Variants in CYB5R4 observed in about 807,000 individuals in gnomAD.
CYB5R4 encodes cytochrome b5 reductase 4, also known as N-terminal cytochrome b5 and cytochrome b5 oxidoreductase domain-containing protein.
A neutral mutation model predicts 70.2 loss-of-function variants in CYB5R4; 55 were observed. The observed-to-expected ratio is 0.78, with a 90% confidence interval of 0.63 to 0.98. CYB5R4 has a LOEUF of 0.98. Among genes scored for constraint, CYB5R4 ranks in the 50% least tolerant of loss-of-function variants. The probability of loss-of-function intolerance (pLI) is 0.00; values close to 1 mark genes in which losing one functional copy is unlikely to be tolerated. For synonymous variants in CYB5R4, 197 were observed against 199.5 expected (o/e 0.99, Z 0.11); for missense variants, 562 against 612.6 (o/e 0.92, Z 0.87).
chr6:83,921,192 T>C lies in CYB5R4; in HGVS notation c.658+17T>C. On this transcript the variant is annotated intron_variant, in intron 8 of 15. Transcript: ENST00000369681. The stretch of plus-strand genomic sequence containing the variant: ...TACATATTGGTGAGTACTTTATTAT[T>C]ATTAATGGAAAGAGCTCTGGTTTTC... The C allele has an allele frequency of 2.0e-6, 3 of 1,463,420 alleles. No individual in the cohort carries two copies. The highest frequency in any genetic ancestry group is 2.8e-6 in the Non-Finnish European group (3 of 1,086,230). The allele number at this position is 1,463,420 out of a possible 1,614,324, so 90.7% of individuals were successfully genotyped here.
chr6:83,950,378 C>A (rs2099471335), intron 14 of CYB5R4, among the ~76,000 whole-genome samples: 1 of 152,082 alleles, frequency 6.6e-6, no homozygotes. Flanking sequence ...AAACTGAAAT[C>A]CAAACTAAAT....
At chr6:83,913,762 T>A (rs916041873) in intron 4 of CYB5R4, among the ~76,000 whole-genome samples, 11 of 152,136 alleles carry the variant, frequency 7.2e-5, no homozygotes, top group African/African-American at 2.2e-4. Context: ...CATTTTTTTT[T>A]AAATTTTGAC....
chr6:83,879,947 G>C (rs908503245), intron 2 of CYB5R4, among the ~76,000 whole-genome samples: 1 of 152,068 alleles, frequency 6.6e-6, no homozygotes, highest in African/African-American at 2.4e-5. Flanking sequence ...TCAGAGGGGC[G>C]TGTCATCCTT....
intron 10 of CYB5R4, among the ~76,000 whole-genome samples, chr6:83,932,980 C>G (rs2099468394): frequency 6.6e-6 from 1 of 152,178 alleles, no homozygotes; most frequent in African/African-American, 2.4e-5. Flanking sequence ...TAGCATAGAA[C>G]ATACTTTGAC....
intron 15 of CYB5R4, among the ~76,000 whole-genome samples, chr6:83,957,451 T>C (rs1196766065): frequency 6.6e-6 from 1 of 151,910 alleles, no homozygotes; most frequent in African/African-American, 2.4e-5. Context: ...TGAAACCCCA[T>C]CTCTACTAAA....
At chr6:83,909,414 A>G (rs2099464325) in intron 4 of CYB5R4, among the ~76,000 whole-genome samples, 1 of 152,222 alleles carries the variant, frequency 6.6e-6, no homozygotes, top group Admixed American at 6.5e-5. Flanking sequence ...ACAAAAAGTT[A>G]TACAGTGAAA....
intron 4 of CYB5R4, among the ~76,000 whole-genome samples, chr6:83,912,562 C>A (rs1283121368): frequency 6.6e-6 from 1 of 152,180 alleles, no homozygotes; most frequent in Admixed American, 6.5e-5. Context: ...CTGACCTCTC[C>A]GGAAATAAAG....
chr6:83,860,187 C>T (rs1456333394), intron 1 of CYB5R4, among the ~76,000 whole-genome samples: 1 of 152,136 alleles, frequency 6.6e-6, no homozygotes, highest in Non-Finnish European at 1.5e-5. Flanking sequence ...GTATTAGCCG[C>T]CTTCCCTCAA....
chr6:83,952,249 C>A (rs148736291), intron 14 of CYB5R4, among the ~76,000 whole-genome samples: 307 of 152,220 alleles, frequency 2.0e-3, no homozygotes, highest in African/African-American at 7.0e-3. Flanking sequence ...TGTGCTCACT[C>A]CCTGCAAAAT....
At chr6:83,914,640 C>G (rs922515438) in intron 5 of CYB5R4, among the ~76,000 whole-genome samples, 192 bp downstream of exon 5, 2 of 152,012 alleles carry the variant, frequency 1.3e-5, no homozygotes, top group African/African-American at 4.8e-5. Context: ...CGGGTTCAAG[C>G]AATTCTCCTG....
intron 2 of CYB5R4, among the ~76,000 whole-genome samples, chr6:83,865,837 T>C (rs146637385): frequency 1.3e-5 from 2 of 152,328 alleles, no homozygotes; most frequent in African/African-American, 4.8e-5. Flanking sequence ...TAGTTTATAT[T>C]GAGACATAAC....
At chr6:83,943,793 C>T (rs555526194) in intron 14 of CYB5R4, among the ~76,000 whole-genome samples, 2 of 151,748 alleles carry the variant, frequency 1.3e-5, no homozygotes, top group African/African-American at 2.4e-5. Context: ...AAAAACAGCA[C>T]GAGAACATCA....
At chr6:83,957,622 CAAAAA>C (rs34196225) in intron 15 of CYB5R4, among the ~76,000 whole-genome samples, 1 of 66,944 alleles carries the variant, frequency 1.5e-5, no homozygotes, top group African/African-American at 4.8e-5. Context: ...AACTCTGTCT[CAAAAA>C]AAAAAAAAAA....
intron 14 of CYB5R4, among the ~76,000 whole-genome samples, chr6:83,943,413 A>G (rs2099470072): frequency 6.6e-6 from 1 of 152,050 alleles, no homozygotes; most frequent in Non-Finnish European, 1.5e-5. Context: ...AAGCAATAGC[A>G]TCAACATCAA....
intron 1 of CYB5R4, among the ~76,000 whole-genome samples, chr6:83,860,071 T>G (rs1442665939): frequency 6.6e-6 from 1 of 152,130 alleles, no homozygotes; most frequent in African/African-American, 2.4e-5. Flanking sequence ...CTCTTCTTTC[T>G]GGTCCTTTAT....
chr6:83,949,082 T>A (rs1303543065), intron 14 of CYB5R4, among the ~76,000 whole-genome samples: 1 of 151,892 alleles, frequency 6.6e-6, no homozygotes, highest in Non-Finnish European at 1.5e-5. Context: ...ATTGTGTAAT[T>A]TATGATCCCC....
At chr6:83,958,886 T>C (rs193059211) in intron 15 of CYB5R4, among the ~76,000 whole-genome samples, 6 of 152,292 alleles carry the variant, frequency 3.9e-5, no homozygotes, top group African/African-American at 1.4e-4. Flanking sequence ...AAGTGACATT[T>C]ATAATAGAGT....
intron 14 of CYB5R4, among the ~76,000 whole-genome samples, chr6:83,943,381 A>C (rs1001734140): frequency 1.1e-4 from 17 of 152,188 alleles, no homozygotes; most frequent in African/African-American, 4.8e-5. Flanking sequence ...CCTGACTGTT[A>C]TAAGGTAAAC....
chr6:83,866,866 G>C (rs563229575), intron 2 of CYB5R4, among the ~76,000 whole-genome samples: 16 of 152,170 alleles, frequency 1.1e-4, no homozygotes, highest in African/African-American at 3.1e-4. Flanking sequence ...CAGTCCTCCT[G>C]CCTCAGCCTC....
Sources: gnomAD v4.1 joint callset for allele counts (sites outside exome capture counted in the v4.1 genomes callset) on GRCh38, gnomAD v4.1.1 for gene constraint, MANE v1.5 for transcripts, NCBI Gene and HGNC (gene_info 2026-07-23, HGNC 2026-07-21) for gene names.